CLSTN3: variants seen among roughly 807,000 people sequenced by gnomAD.
The protein encoded by CLSTN3 is calsyntenin 3.
Under a neutral mutation model 95.9 loss-of-function variants are expected in CLSTN3, and 36 were observed. The observed-to-expected ratio is 0.38, with a 90% CI of 0.29 to 0.50. CLSTN3 has a LOEUF of 0.50. Among genes scored for constraint, CLSTN3 ranks in the 20% least tolerant of loss-of-function variants. CLSTN3 has a pLI of 0.95. For missense variants in CLSTN3, 1,084 were observed against 1,268.8 expected, an observed-to-expected ratio of 0.85 and a Z score of 2.21; for synonymous variants, 481 against 504.0, an observed-to-expected ratio of 0.95 and a Z score of 0.61.
chr12:7,129,584 T>C (rs753216465), upstream of CLSTN3: 13 of 982,962 alleles, frequency 1.3e-5, no homozygotes, highest in Admixed American at 6.1e-5. This position sits in a 1 kb window ranked among gnomAD's most constrained non-coding sequence, Gnocchi z 5.5. Context: ...GAGTCATCGA[T>C]GAGACCGTAA....
Position 7,136,813 on chromosome 12 carries a change from C to T in CLSTN3, c.929-16C>T. 4 of 1,611,970 alleles carry T rather than the reference C, an allele frequency of 2.5e-6. No individual in the cohort carries two copies. Among genetic ancestry groups the T allele is most frequent in the Non-Finnish European group, 2.5e-6 (3 of 1,178,226 alleles). ...CTTCTTGGCTCTGACACTTGTGCCT[C>T]CTGGGGCTCCCACAGGTGCTGCCAC... On this transcript the variant is annotated splice_polypyrimidine_tract_variant and intron_variant, in intron 6 of 17. Transcript: ENST00000266546.
At chr12:7,132,988 C>A (rs780690502) in intron 1 of CLSTN3, 36 bp from the exon 2 acceptor site, 1 of 1,611,964 alleles carries the variant, frequency 6.2e-7, no homozygotes, top group African/African-American at 1.3e-5. Context: ...GCCCTGCTCA[C>A]AGGTGCTTCC....
chr12:7,135,174 C>T (rs922047706), intron 3 of CLSTN3, among the ~76,000 whole-genome samples, 153 bp from the exon 4 acceptor site: 1 of 152,014 alleles, frequency 6.6e-6, no homozygotes, highest in Non-Finnish European at 1.5e-5. Flanking sequence ...TGTACGGTAT[C>T]GAACCTGTCC....
At chr12:7,130,349 G>T, upstream of CLSTN3, 1 of 1,221,016 alleles carries the variant, frequency 8.2e-7, no homozygotes, top group Admixed American at 4.1e-5. Context: ...CCCATCAATC[G>T]TTGCCCGGCT....
At chr12:7,155,671 G>A (rs1023987528) in intron 16 of CLSTN3, among the ~76,000 whole-genome samples, 4 of 152,226 alleles carry the variant, frequency 2.6e-5, no homozygotes, top group Non-Finnish European at 4.4e-5. Context: ...CTTATCCCCC[G>A]TTCCCAGGAA....
At chr12:7,156,302 G>T (rs1460265474) in intron 16 of CLSTN3, 1 of 456,962 alleles carries the variant, frequency 2.2e-6, no homozygotes, top group African/African-American at 2.0e-5. Context: ...GGGGCTGCGG[G>T]CTTTCCTGCT....
At chr12:7,129,861 C>T, upstream of CLSTN3, 1 of 970,668 alleles carries the variant, frequency 1.0e-6, no homozygotes, top group Non-Finnish European at 1.2e-6. The surrounding 1 kb of genome is among the most constrained non-coding windows in gnomAD (Gnocchi z 5.5). Context: ...CGTCCTGCCC[C>T]TCCTTGGGTC....
rs758723252 is a variant in CLSTN3 at position 7,142,102 on chromosome 12, G to A, written c.1503G>A (p.Glu501=). 2.5e-6 allele frequency: 4 copies of A among 1,599,666 alleles called. No homozygotes were observed. The highest frequency in any genetic ancestry group is 3.4e-6 in the Non-Finnish European group (4 of 1,172,434). Residue 501 remains glutamate, a synonymous_variant, in exon 10 of 18, where the codon GAG becomes GAA. Coordinates refer to ENST00000266546, the MANE Select transcript of CLSTN3 (RefSeq NM_014718.4). ...TATCCCCAGAGGAGAAGAACAAAGAGAAGGAAAAGGGAGACAACAGTACAG... is the reference window on the plus strand; with the variant it reads ...TATCCCCAGAGGAGAAGAACAAAGAAAAGGAAAAGGGAGACAACAGTACAG... The part of the protein sequence containing the change: ...GACWTEEKNK[E]KEKGDNSTDT...
chr12:7,143,287 C>G lies in CLSTN3; in HGVS notation c.1823C>G (p.Pro608Arg). 1.2e-6 allele frequency: 2 copies of G among 1,610,632 alleles called. No individual in the cohort carries two copies. Among genetic ancestry groups the G allele is most frequent in the Non-Finnish European group, 8.5e-7 (1 of 1,179,912 alleles). Residue 608 changes from proline to arginine, a missense_variant, in exon 12 of 18, where the codon CCC (proline) becomes CGC (arginine). Transcript: ENST00000266546. ...TLRFATPGVR[P>R]LRLTTAVKCF... ...CGCTTTGCCACGCCCGGCGTCAGGCCCCTGCGCCTCACCACTGCTGTCAAG... is the reference window on the plus strand; with the variant it reads ...CGCTTTGCCACGCCCGGCGTCAGGCGCCTGCGCCTCACCACTGCTGTCAAG...
rs768964080 is a variant in CLSTN3, at chr12:7,143,280, G to T, written c.1816G>T (p.Val606Phe). 1.9e-6 allele frequency: 3 copies of T among 1,611,838 alleles called. No individual in the cohort carries two copies. Among genetic ancestry groups the T allele is most frequent in the Non-Finnish European group, 1.7e-6 (2 of 1,179,990 alleles). ...MNTLRFATPG[V>F]RPLRLTTAVK... Reference sequence around the variant, plus strand: ...CACTCTGCGCTTTGCCACGCCCGGCGTCAGGCCCCTGCGCCTCACCACTGC... The same window carrying T: ...CACTCTGCGCTTTGCCACGCCCGGCTTCAGGCCCCTGCGCCTCACCACTGC... The change falls in exon 12 of 18, where the codon GTC becomes TTC. Residue 606 changes from valine to phenylalanine, a missense_variant. Coordinates refer to ENST00000266546, the MANE Select transcript of CLSTN3 (RefSeq NM_014718.4).
In CLSTN3 at chr12:7,141,356, C is replaced by T. The variant is rs1939523082; in HGVS notation, c.1438C>T (p.His480Tyr). ...PALIHDNGLI[H>Y]PPRREPALMI... ...CCTCATCCATGACAATGGCCTCATC[C>T]ACCCACCCCGAAGGGAGCCTGCTCT... is the stretch of plus-strand genomic sequence containing the variant. The change falls in exon 9 of 18, where the codon CAC becomes TAC. Residue 480 changes from histidine (H) to tyrosine (Y), a missense_variant. Coordinates refer to ENST00000266546, the MANE Select transcript of CLSTN3 (RefSeq NM_014718.4). This position sits in a 1 kb window ranked among gnomAD's most constrained non-coding sequence, Gnocchi z 4.1. The T allele has an allele frequency of 6.2e-7, 1 of 1,614,218 alleles. No homozygotes were observed. The highest frequency in any genetic ancestry group is 8.5e-7 in the Non-Finnish European group (1 of 1,180,038).
intron 16 of CLSTN3, among the ~76,000 whole-genome samples, chr12:7,153,623 G>T: frequency 6.6e-6 from 1 of 152,140 alleles, no homozygotes; most frequent in Admixed American, 6.5e-5. Context: ...AAACTCTTGA[G>T]GCCAGCTATA....
intron 6 of CLSTN3, 51 bp from the exon 7 acceptor site, chr12:7,136,778 C>T (rs768207743): frequency 2.4e-5 from 39 of 1,595,156 alleles, no homozygotes; most frequent in Non-Finnish European, 3.3e-5. Flanking sequence ...GCCCTTTTCA[C>T]CATCTGCTGC....
rs1939274268 is a variant in CLSTN3, at chr12:7,130,464, C to T, written c.-185C>T. On this transcript the variant is annotated 5_prime_UTR_variant, in exon 1 of 18. Coordinates refer to ENST00000266546, the MANE Select transcript of CLSTN3 (RefSeq NM_014718.4). ...CGCTGCAAGTCCACCGCCTCAGCTA[C>T]CCAGATTGGGATCTGCCCAGGCCCG... 1.3e-6 allele frequency: 2 copies of T among 1,486,186 alleles called. No individual in the cohort carries two copies. Among genetic ancestry groups the T allele is most frequent in the Non-Finnish European group, 1.8e-6 (2 of 1,119,120 alleles). The allele number at this position is 1,486,186 out of a possible 1,614,324, so 92.1% of individuals were successfully genotyped here.
chr12:7,131,969 C>G, intron 1 of CLSTN3: 1 of 451,774 alleles, frequency 2.2e-6, no homozygotes, highest in Admixed American at 2.4e-5. Flanking sequence ...CCCTCTGCCT[C>G]ATGATTGTGC....
chr12:7,153,195 G>A (rs756493535), intron 16 of CLSTN3, among the ~76,000 whole-genome samples: 1 of 152,212 alleles, frequency 6.6e-6, no homozygotes, highest in East Asian at 1.9e-4. Flanking sequence ...TTGTTCTGTC[G>A]CCTAGGCTGG....
intron 12 of CLSTN3, among the ~76,000 whole-genome samples, chr12:7,146,467 G>A (rs1939623485): frequency 6.6e-6 from 1 of 152,032 alleles, no homozygotes; most frequent in Non-Finnish European, 1.5e-5. Flanking sequence ...CAGCCATCTG[G>A]CTTCTGGTGG....
intron 1 of CLSTN3, 58 bp downstream of exon 1, chr12:7,130,770 G>A: frequency 6.8e-7 from 1 of 1,469,244 alleles, no homozygotes; most frequent in African/African-American, 1.4e-5. Flanking sequence ...GCCGTGCGGG[G>A]TGGGGGTGGG....
At position 7,157,723 on chromosome 12, in the gene CLSTN3, G is replaced by C; in HGVS notation, c.2730+32G>C. 6.5e-7 allele frequency: 1 copy of C among 1,549,578 alleles called. No homozygotes were observed. Among genetic ancestry groups the C allele is most frequent in the Non-Finnish European group, 8.7e-7 (1 of 1,145,476 alleles). On this transcript the variant is annotated intron_variant, in intron 17 of 17. Coordinates refer to ENST00000266546, the MANE Select transcript of CLSTN3 (RefSeq NM_014718.4). This position sits in a 1 kb window ranked among gnomAD's most constrained non-coding sequence, Gnocchi z 5.9. Reference sequence around the variant, plus strand: ...GGCCTGGGGAAGCGGGGTTCTGTAGGGTCAAGACTGTGGAGCACACACGGT... The same window carrying C: ...GGCCTGGGGAAGCGGGGTTCTGTAGCGTCAAGACTGTGGAGCACACACGGT...
Sources: allele counts gnomAD v4.1 joint callset (sites outside exome capture counted in the v4.1 genomes callset), GRCh38; gene constraint gnomAD v4.1.1; non-coding constraint Gnocchi (gnomAD v3.1); transcripts MANE v1.5; gene names NCBI Gene and HGNC (gene_info 2026-07-23, HGNC 2026-07-21).